The following OR14A2 variants were observed in gnomAD, a reference collection of about 807,000 sequenced individuals.
OR14A2 encodes the protein olfactory receptor 14A2.
For synonymous variants in OR14A2, 114 were observed against 58.6 expected (o/e 1.95, Z -4.32); for missense variants, 237 against 152.9 (o/e 1.55, Z -2.90).
At chr1:247,729,611 G>A in the OR14A2 span, among the ~76,000 whole-genome samples, 2 of 151,822 alleles carry the variant, frequency 1.3e-5, no homozygotes, top group Admixed American at 6.6e-5. Flanking sequence ...TTTTTCATTC[G>A]AAGCATAGTT....
the OR14A2 span, among the ~76,000 whole-genome samples, chr1:247,735,973 T>C: frequency 2.0e-5 from 3 of 152,192 alleles, no homozygotes; most frequent in African/African-American, 7.2e-5. Flanking sequence ...AATATAGAAC[T>C]GTTTGGGAAA....
the OR14A2 span, among the ~76,000 whole-genome samples, chr1:247,736,108 C>T: frequency 2.0e-5 from 3 of 151,418 alleles, no homozygotes; most frequent in East Asian, 1.9e-4. Flanking sequence ...TGATCTTACT[C>T]GAGAATGGAA....
chr1:247,723,507 A>T, exon 1 of OR14A2: 1 of 717,890 alleles, frequency 1.4e-6, no homozygotes, highest in Non-Finnish European at 2.6e-6. Flanking sequence ...GTAATGAAGG[A>T]ACATCACAGA....
At chr1:247,743,036 C>A in the OR14A2 span, among the ~76,000 whole-genome samples, 145 of 152,200 alleles carry the variant, frequency 9.5e-4, no homozygotes, top group African/African-American at 3.4e-3. Context: ...AATTGATAGT[C>A]GATTCATTTA....
At chr1:247,739,578 A>G in the OR14A2 span, 1 of 754,644 alleles carries the variant, frequency 1.3e-6, no homozygotes, top group Non-Finnish European at 2.5e-6. Context: ...GAAGATGGGA[A>G]GTAACTTTTT....
chr1:247,731,261 C>T, the OR14A2 span, among the ~76,000 whole-genome samples: 1 of 151,900 alleles, frequency 6.6e-6, no homozygotes. Context: ...CCCCTCCAAA[C>T]CTTTCAACCT....
chr1:247,731,660 A>G, the OR14A2 span, among the ~76,000 whole-genome samples: 3 of 152,088 alleles, frequency 2.0e-5, no homozygotes, highest in African/African-American at 7.2e-5. Flanking sequence ...TTTTAATTTC[A>G]GAAATAGAAA....
chr1:247,740,163 T>C, the OR14A2 span, among the ~76,000 whole-genome samples: 3 of 152,236 alleles, frequency 2.0e-5, no homozygotes, highest in African/African-American at 7.2e-5. Context: ...AAAGCTTTCA[T>C]CTTTTCGGCA....
At chr1:247,739,541 T>G in the OR14A2 span, 5 of 775,562 alleles carry the variant, frequency 6.4e-6, no homozygotes, top group South Asian at 6.8e-5. Flanking sequence ...TTAGAAGCAG[T>G]GGGGTAATGA....
chr1:247,725,513 A>T (rs532018145), upstream of OR14A2, among the ~76,000 whole-genome samples: 13 of 143,120 alleles, frequency 9.1e-5, no homozygotes, highest in Middle Eastern at 3.5e-3. Flanking sequence ...TTATTTATTT[A>T]TTTTTTATTT....
chr1:247,723,031 A>C, downstream of OR14A2: 1 of 621,144 alleles, frequency 1.6e-6, no homozygotes, highest in Non-Finnish European at 2.9e-6. Context: ...AGGTCTTTCC[A>C]AAGTTACAAA....
At chr1:247,723,318 A>T (rs1660247456) in exon 1 of OR14A2, 2 of 717,390 alleles carry the variant, frequency 2.8e-6, no homozygotes, top group South Asian at 3.0e-5. Flanking sequence ...AAACAGTGAG[A>T]TGGGGGAAGC....
exon 1 of OR14A2, chr1:247,723,157 T>C: frequency 1.4e-6 from 1 of 717,636 alleles, no homozygotes; most frequent in East Asian, 2.7e-5. Flanking sequence ...CAGAGCACAT[T>C]TCATGTCATT....
chr1:247,723,172 C>T (rs889239388), exon 1 of OR14A2: 35 of 717,628 alleles, frequency 4.9e-5, no homozygotes, highest in Non-Finnish European at 4.2e-5. Context: ...GTCATTGTTC[C>T]GCAGGCTGTA....
At chr1:247,747,377 T>TTTTC in the OR14A2 span, among the ~76,000 whole-genome samples, 2 of 149,362 alleles carry the variant, frequency 1.3e-5, no homozygotes, top group African/African-American at 5.0e-5. Context: ...TTTTTTTTTT[T>TTTTC]CTGAGACGGA....
At chr1:247,748,113 C>T in the OR14A2 span, among the ~76,000 whole-genome samples, 1 of 152,046 alleles carries the variant, frequency 6.6e-6, no homozygotes, top group Non-Finnish European at 1.5e-5. Flanking sequence ...CCATTCAAAA[C>T]CTGAGTAATA....
At chr1:247,740,422 C>A in the OR14A2 span, among the ~76,000 whole-genome samples, 2 of 152,132 alleles carry the variant, frequency 1.3e-5, no homozygotes, top group Non-Finnish European at 2.9e-5. Flanking sequence ...TTCATGTGTG[C>A]TTGGTAGATT....
chr1:247,742,457 TACAC>T, the OR14A2 span, among the ~76,000 whole-genome samples: 153 of 150,870 alleles, frequency 1.0e-3, no homozygotes, highest in African/African-American at 3.3e-3. Context: ...GTTGAGATAA[TACAC>T]ACACACACGC....
chr1:247,727,264 GATTCCT>G (rs1660397688), upstream of OR14A2, among the ~76,000 whole-genome samples: 1 of 147,688 alleles, frequency 6.8e-6, no homozygotes, highest in Non-Finnish European at 1.5e-5. Flanking sequence ...TTGTAAGTTG[GATTCCT>G]AGGTATTTTA....
Sources: gnomAD v4.1 joint callset for allele counts (sites outside exome capture counted in the v4.1 genomes callset) on GRCh38, gnomAD v4.1.1 for gene constraint, MANE v1.5 for transcripts, NCBI Gene and HGNC (gene_info 2026-07-23, HGNC 2026-07-21) for gene names.